ATRNL1: variants seen among roughly 807,000 people sequenced by gnomAD.
ATRNL1 encodes attractin-like protein 1.
ATRNL1 carries 95 observed loss-of-function variants against 182.7 expected under a neutral mutation model. That is an observed-to-expected ratio of 0.52 (90% CI 0.44 to 0.62). The LOEUF is 0.62. Among genes scored for constraint, ATRNL1 ranks in the 20% least tolerant of loss-of-function variants. ATRNL1 has a pLI of 0.00. For missense variants in ATRNL1, 1,471 were observed against 1,679.5 expected (o/e 0.88, Z 2.17); for synonymous variants, 576 against 568.3 (o/e 1.01, Z -0.19).
intron 1 of ATRNL1, among the ~76,000 whole-genome samples, chr10:115,098,795 T>C (rs1391552116): frequency 6.6e-6 from 1 of 152,108 alleles, no homozygotes; most frequent in African/African-American, 2.4e-5. Context: ...TGTCTGACTC[T>C]TCACACTAGG....
At chr10:115,743,699 T>C (rs1948207477) in intron 27 of ATRNL1, among the ~76,000 whole-genome samples, 1 of 152,164 alleles carries the variant, frequency 6.6e-6, no homozygotes, top group African/African-American at 2.4e-5. Context: ...TTGATTATTC[T>C]CAATTAGATA....
chr10:115,691,042 T>A (rs1946378807), intron 26 of ATRNL1, among the ~76,000 whole-genome samples: 1 of 152,194 alleles, frequency 6.6e-6, no homozygotes. Context: ...CTGTGGCATC[T>A]CTGTTAGACA....
chr10:115,834,366 T>C (rs1352076134), intron 27 of ATRNL1, among the ~76,000 whole-genome samples: 1 of 152,184 alleles, frequency 6.6e-6, no homozygotes, highest in Admixed American at 6.5e-5. Flanking sequence ...TACCTGTAAT[T>C]TTTTCTGAAC....
In ATRNL1 at chr10:115,569,206, A is replaced by G. The variant is rs117412182; in HGVS notation, c.3795+19670A>G. Reference sequence around the variant, plus strand: ...TAACTTGGATATCTTTCCATTGCCAACCTCTTTTGTTTCTTTTATTATAAA... The same window carrying G: ...TAACTTGGATATCTTTCCATTGCCAGCCTCTTTTGTTTCTTTTATTATAAA... On this transcript the variant is annotated intron_variant, in intron 26 of 28. Coordinates refer to ENST00000355044, the MANE Select transcript of ATRNL1 (RefSeq NM_207303.4). Among the ~76,000 whole-genome samples the G allele has an allele frequency of 8.8e-3, 1,336 of 151,720 alleles. 9 individuals carry two copies. Among genetic ancestry groups the G allele is most frequent in the Middle Eastern group, 0.017 (5 of 292 alleles).
chr10:115,793,280 T>C (rs1390944379), intron 27 of ATRNL1, among the ~76,000 whole-genome samples: 2 of 152,076 alleles, frequency 1.3e-5, no homozygotes, highest in African/African-American at 4.8e-5. Context: ...TATATTCAAC[T>C]TCAACTCAAT....
At chr10:115,223,911 G>GTATATATATATATATA (rs782032076) in intron 9 of ATRNL1, among the ~76,000 whole-genome samples, 21 of 58,028 alleles carry the variant, frequency 3.6e-4, no homozygotes, top group African/African-American at 1.5e-3. Context: ...GTGTGTGTGT[G>GTATATATATATATATA]TGTATATATA....
chr10:115,493,964 G>GT (rs1289750535), intron 24 of ATRNL1, among the ~76,000 whole-genome samples: 2 of 151,348 alleles, frequency 1.3e-5, no homozygotes, highest in East Asian at 1.9e-4. Context: ...ATGGGGTTAT[G>GT]TTTTTTTTGG....
chr10:115,791,364 A>G (rs1429044781), intron 27 of ATRNL1, among the ~76,000 whole-genome samples: 2 of 152,202 alleles, frequency 1.3e-5, no homozygotes, highest in Non-Finnish European at 2.9e-5. Flanking sequence ...GAGAGTGTAC[A>G]AAATACATAT....
chr10:115,414,519 TTAAAA>T (rs1646823653), intron 20 of ATRNL1, among the ~76,000 whole-genome samples: 2 of 152,094 alleles, frequency 1.3e-5, no homozygotes, highest in Admixed American at 1.3e-4. Context: ...TCTTATTGTA[TTAAAA>T]TAATTAATTA....
At chr10:115,562,811 A>G (rs528743221) in intron 26 of ATRNL1, among the ~76,000 whole-genome samples, 4 of 152,262 alleles carry the variant, frequency 2.6e-5, no homozygotes, top group African/African-American at 9.6e-5. Context: ...AAGCCGCTTT[A>G]CCAGTCTCAA....
At chr10:115,932,670 C>A (rs112747196) in intron 28 of ATRNL1, among the ~76,000 whole-genome samples, 280 of 152,096 alleles carry the variant, frequency 1.8e-3, no homozygotes, top group African/African-American at 6.0e-3. Context: ...AATATTTTGA[C>A]TTTGCAGAGA....
intron 19 of ATRNL1, among the ~76,000 whole-genome samples, chr10:115,366,689 C>T (rs1554946058): frequency 6.6e-6 from 1 of 151,696 alleles, no homozygotes; most frequent in African/African-American, 2.4e-5. Context: ...GTGCTTCCTT[C>T]AGGAGCTCTT....
intron 26 of ATRNL1, among the ~76,000 whole-genome samples, chr10:115,624,079 A>G (rs1440711290): frequency 6.6e-6 from 1 of 152,108 alleles, no homozygotes; most frequent in African/African-American, 2.4e-5. Flanking sequence ...ATTTTTCTAT[A>G]TCTATTGCTG....
intron 5 of ATRNL1, among the ~76,000 whole-genome samples, chr10:115,149,708 A>AT (rs1554880141): frequency 1.3e-5 from 2 of 151,822 alleles, no homozygotes; most frequent in South Asian, 2.1e-4. Flanking sequence ...ATGGTTTATT[A>AT]TTTTTTTAAT....
At chr10:115,797,309 C>G (rs1010388122) in intron 27 of ATRNL1, among the ~76,000 whole-genome samples, 2 of 152,122 alleles carry the variant, frequency 1.3e-5, no homozygotes, top group African/African-American at 4.8e-5. Context: ...AAATATGACA[C>G]CTTTTCCTTT....
intron 26 of ATRNL1, among the ~76,000 whole-genome samples, chr10:115,608,533 A>T (rs1345673580): frequency 5.9e-5 from 9 of 152,098 alleles, no homozygotes; most frequent in Non-Finnish European, 1.2e-4. Context: ...AGTATATCAC[A>T]GTGGATTCAT....
At chr10:115,344,371 C>G (rs2134103451) in intron 19 of ATRNL1, among the ~76,000 whole-genome samples, 1 of 152,192 alleles carries the variant, frequency 6.6e-6, no homozygotes, top group East Asian at 1.9e-4. Context: ...CTCTTCCCTC[C>G]CTTTTCCAAA....
At chr10:115,096,935 A>G (rs1283285503) in intron 1 of ATRNL1, 1 of 476,090 alleles carries the variant, frequency 2.1e-6, no homozygotes, top group Non-Finnish European at 2.9e-6. Context: ...ATAATCAAAG[A>G]TACAGACTCT....
At chr10:115,708,463 A>G (rs1355449865) in intron 26 of ATRNL1, among the ~76,000 whole-genome samples, 1 of 151,758 alleles carries the variant, frequency 6.6e-6, no homozygotes, top group Non-Finnish European at 1.5e-5. Flanking sequence ...AAATCTATAT[A>G]CGTTGATAAT....
Sources: gnomAD v4.1 joint callset for allele counts (sites outside exome capture counted in the v4.1 genomes callset) on GRCh38, gnomAD v4.1.1 for gene constraint, MANE v1.5 for transcripts, NCBI Gene and HGNC (gene_info 2026-07-23, HGNC 2026-07-21) for gene names.